PEX5L: variants seen among roughly 807,000 people sequenced by gnomAD.
PEX5L encodes the protein PEX5-related protein.
In PEX5L, 30 loss-of-function variants were observed where a neutral mutation model predicts 84.0. The ratio of observed to expected loss-of-function variants is 0.36; its 90% CI spans 0.27 to 0.48. The LOEUF is 0.48. Ranked by LOEUF, PEX5L falls within the 20% of genes least tolerant of loss-of-function variation. The pLI is 0.99. For synonymous variants in PEX5L, 270 were observed against 283.1 expected (o/e 0.95, Z 0.46); for missense variants, 533 against 754.6 (o/e 0.71, Z 3.44).
intron 2 of PEX5L, among the ~76,000 whole-genome samples, chr3:179,928,302 A>G (rs998851239): frequency 4.6e-5 from 7 of 152,172 alleles, no homozygotes; most frequent in African/African-American, 1.7e-4. Flanking sequence ...TTAAATTACA[A>G]CCATAATTCA....
chr3:179,901,537 T>G (rs1761345018), intron 2 of PEX5L, among the ~76,000 whole-genome samples: 1 of 152,238 alleles, frequency 6.6e-6, no homozygotes, highest in South Asian at 2.1e-4. Flanking sequence ...AAGTTGATTA[T>G]CATATTGTGG....
At chr3:179,971,778 A>G in intron 1 of PEX5L, 113 bp from the exon 2 acceptor site, 3 of 1,013,760 alleles carry the variant, frequency 3.0e-6, no homozygotes, top group Non-Finnish European at 4.0e-6. Flanking sequence ...GTCATAATGC[A>G]TCATTCTTTA....
At chr3:179,961,948 G>C (rs2110109395) in intron 2 of PEX5L, among the ~76,000 whole-genome samples, 1 of 64,000 alleles carries the variant, frequency 1.6e-5, no homozygotes, top group South Asian at 8.1e-4. Flanking sequence ...GAGGCCCTGA[G>C]AGATGAGCTG....
intron 8 of PEX5L, among the ~76,000 whole-genome samples, chr3:179,830,968 C>T (rs779882784): frequency 3.2e-4 from 48 of 152,180 alleles, no homozygotes; most frequent in Non-Finnish European, 5.9e-4. Flanking sequence ...TATCTGCATT[C>T]ATCTCGGGGC....
intron 12 of PEX5L, among the ~76,000 whole-genome samples, chr3:179,808,848 C>A (rs1035619267): frequency 6.6e-6 from 1 of 151,946 alleles, no homozygotes; most frequent in African/African-American, 2.4e-5. Context: ...GAGGCCGAGG[C>A]GGGCGGATCA....
intron 1 of PEX5L, among the ~76,000 whole-genome samples, chr3:179,994,426 C>T (rs935615191): frequency 2.0e-5 from 3 of 152,164 alleles, no homozygotes; most frequent in Admixed American, 2.0e-4. Context: ...TTTTCCATGG[C>T]CTCTTTGTTA....
At chr3:179,805,146 CTTTT>C (rs777171015) in intron 14 of PEX5L, among the ~76,000 whole-genome samples, 2 of 86,450 alleles carry the variant, frequency 2.3e-5, no homozygotes, top group East Asian at 3.5e-4. Flanking sequence ...ACTCGATGGT[CTTTT>C]TTTTTTTTTT....
chr3:179,829,707 T>C (rs1346838756), intron 8 of PEX5L, among the ~76,000 whole-genome samples: 1 of 152,108 alleles, frequency 6.6e-6, no homozygotes, highest in Non-Finnish European at 1.5e-5. Flanking sequence ...AACAGAGGGA[T>C]TAGTTTAGAT....
At chr3:179,956,770 C>T (rs1780664751) in intron 2 of PEX5L, among the ~76,000 whole-genome samples, 1 of 152,156 alleles carries the variant, frequency 6.6e-6, no homozygotes, top group South Asian at 2.1e-4. Flanking sequence ...ACGCAACATG[C>T]ACGGTGCCAT....
At chr3:179,942,979 T>A (rs916489482) in intron 2 of PEX5L, among the ~76,000 whole-genome samples, 10 of 152,252 alleles carry the variant, frequency 6.6e-5, no homozygotes, top group African/African-American at 1.9e-4. Context: ...CCTCTGAACC[T>A]GTTTCCTTAT....
In PEX5L at chr3:180,015,008, T is replaced by C. The variant is rs184129280; in HGVS notation, c.21+21571A>G. 2.0e-5 allele frequency among the ~76,000 whole-genome samples: 3 copies of C among 152,342 alleles called. No individual in the cohort carries two copies. The East Asian group carries it at 5.8e-4, about 29-fold the overall frequency. On this transcript the variant is annotated intron_variant, in intron 1 of 14. Transcript: ENST00000467460. ...AGAGCATAAACATGAATAAGGTATA[T>C]TCTTTTCAAGCAAGAAATGTGAGAG...
chr3:179,955,876 C>T (rs6762528), intron 2 of PEX5L, among the ~76,000 whole-genome samples: 108,818 of 151,898 alleles, frequency 0.72, 39,575 homozygotes, highest in East Asian at 0.89. Flanking sequence ...ACTTTACCCC[C>T]TCCCAAAGTA....
intron 7 of PEX5L, among the ~76,000 whole-genome samples, chr3:179,868,568 G>C (rs544149234): frequency 7.2e-5 from 11 of 152,036 alleles, no homozygotes; most frequent in Non-Finnish European, 1.6e-4. Flanking sequence ...TCTTTTGTTG[G>C]GGAAATTCGC....
intron 2 of PEX5L, among the ~76,000 whole-genome samples, chr3:179,917,464 T>C (rs912079038): frequency 1.3e-5 from 2 of 152,222 alleles, no homozygotes; most frequent in South Asian, 2.1e-4. Context: ...CTGTACATTA[T>C]TGCAGGTGCT....
chr3:179,918,463 T>G (rs2109348942), intron 2 of PEX5L, among the ~76,000 whole-genome samples: 1 of 152,316 alleles, frequency 6.6e-6, no homozygotes, highest in East Asian at 1.9e-4. Flanking sequence ...AAAATAAAAT[T>G]CTTGAAGACA....
intron 1 of PEX5L, among the ~76,000 whole-genome samples, chr3:180,018,791 T>C (rs1561070674): frequency 6.6e-6 from 1 of 152,202 alleles, no homozygotes; most frequent in South Asian, 2.1e-4. Context: ...TGACATCCAG[T>C]TGCTATGCTT....
rs1228810560 is a variant in PEX5L, at chr3:179,997,023, C to T, written c.22-25358G>A. On this transcript the variant is annotated intron_variant, in intron 1 of 14. Transcript: ENST00000467460. Reference sequence around the variant, plus strand: ...ATAAAAACAGAGAATCATAGCTCCTCAATCAATTTTCAGACTTGAGCCAGT... The same window carrying T: ...ATAAAAACAGAGAATCATAGCTCCTTAATCAATTTTCAGACTTGAGCCAGT... Among the ~76,000 whole-genome samples, 6 of 152,178 alleles carry T rather than the reference C, an allele frequency of 3.9e-5. 1 individual carries two copies. The highest frequency in any genetic ancestry group is 5.9e-5 in the Non-Finnish European group (4 of 68,042).
intron 7 of PEX5L, among the ~76,000 whole-genome samples, chr3:179,868,047 T>C (rs35591094): frequency 0.39 from 50,927 of 129,850 alleles, 10,374 homozygotes; most frequent in East Asian, 0.76. Context: ...TTCTTCTTTT[T>C]TTTTTTTTTT....
chr3:179,900,717 T>A, intron 2 of PEX5L: 1 of 1,535,726 alleles, frequency 6.5e-7, no homozygotes, highest in Non-Finnish European at 8.7e-7. Flanking sequence ...CACTTTTTCT[T>A]CAAGGTTACA....
Sources: allele counts gnomAD v4.1 joint callset (sites outside exome capture counted in the v4.1 genomes callset), GRCh38; gene constraint gnomAD v4.1.1; transcripts MANE v1.5; gene names NCBI Gene and HGNC (gene_info 2026-07-23, HGNC 2026-07-21).